The following MED12L variants were observed in gnomAD, a reference collection of about 807,000 sequenced individuals.
The protein encoded by MED12L is mediator complex subunit 12L.
MED12L carries 60 observed loss-of-function variants against 281.3 expected under a neutral mutation model. The ratio of observed to expected loss-of-function variants is 0.21; its 90% CI spans 0.17 to 0.26. The LOEUF (loss-of-function observed/expected upper bound fraction) is 0.26. Ranked by LOEUF, MED12L falls within the 10% of genes least tolerant of loss-of-function variation. MED12L has a pLI of 1.00. For missense variants in MED12L, 2,146 were observed against 2,680.9 expected (o/e 0.80, Z 4.41); for synonymous variants, 974 against 987.2 (o/e 0.99, Z 0.25).
At chr3:151,099,998 AC>A (rs751083600) in intron 2 of MED12L, among the ~76,000 whole-genome samples, 16 of 152,136 alleles carry the variant, frequency 1.1e-4, no homozygotes, top group Non-Finnish European at 2.1e-4. Context: ...ATACTAAGTG[AC>A]CCAAAGAGAC....
At chr3:151,086,623 A>C (rs1369685108) in intron 1 of MED12L, 175 bp from the exon 2 acceptor site, 12 of 258,160 alleles carry the variant, frequency 4.6e-5, no homozygotes, top group Non-Finnish European at 7.4e-5. Context: ...GGAGCAGAGG[A>C]GGCAGGCGCC....
chr3:151,231,178 C>G (rs1380083986), intron 16 of MED12L, among the ~76,000 whole-genome samples: 1 of 152,158 alleles, frequency 6.6e-6, no homozygotes, highest in Admixed American at 6.5e-5. Context: ...AATGAGAAAG[C>G]TCTTGTTTAC....
chr3:151,165,361 A>G, intron 9 of MED12L, 59 bp from the exon 10 acceptor site: 2 of 1,382,406 alleles, frequency 1.4e-6, no homozygotes, highest in East Asian at 4.6e-5. Context: ...ACCTGACATG[A>G]TTTAGACATG....
intron 16 of MED12L, among the ~76,000 whole-genome samples, chr3:151,261,685 G>GTGTTTTGTTTTGTTTTGTTTTGTTT (rs10627724): frequency 1.8e-4 from 27 of 148,640 alleles, no homozygotes; most frequent in African/African-American, 6.3e-4. Flanking sequence ...GTGGTACGTG[G>GTGTTTTGTTTTGTTTTGTTTTGTTT]TGTTTTGTTT....
chr3:151,266,686 C>T (rs1426168626), intron 16 of MED12L, among the ~76,000 whole-genome samples: 1 of 152,134 alleles, frequency 6.6e-6, no homozygotes, highest in African/African-American at 2.4e-5. Context: ...TGGAAAGGAA[C>T]TCCAGCCATG....
chr3:151,337,723 A>G, intron 16 of MED12L: 7 of 1,220,386 alleles, frequency 5.7e-6, no homozygotes, highest in Non-Finnish European at 8.3e-6. Context: ...TTATTAACTT[A>G]GTTGCTTCTT....
intron 16 of MED12L, among the ~76,000 whole-genome samples, chr3:151,249,577 A>G (rs1736439054): frequency 6.6e-6 from 1 of 152,122 alleles, no homozygotes; most frequent in Admixed American, 6.5e-5. Flanking sequence ...TTGCTCCTCT[A>G]GACTTATCCT....
chr3:151,421,468 T>C (rs1560148031), intron 43 of MED12L, among the ~76,000 whole-genome samples: 2 of 152,034 alleles, frequency 1.3e-5, no homozygotes, highest in Non-Finnish European at 2.9e-5. Flanking sequence ...TGGAGTGCAG[T>C]GGCGCAATCT....
At chr3:151,292,354 T>A (rs1312744976) in intron 16 of MED12L, among the ~76,000 whole-genome samples, 1 of 151,498 alleles carries the variant, frequency 6.6e-6, no homozygotes, top group Admixed American at 6.6e-5. Flanking sequence ...TGGCATGATC[T>A]TGGCTCACTG....
At chr3:151,218,605 A>T (rs549326903) in intron 16 of MED12L, among the ~76,000 whole-genome samples, 46 of 152,252 alleles carry the variant, frequency 3.0e-4, no homozygotes, top group African/African-American at 1.0e-3. Context: ...ACGGTGGCTC[A>T]AGCCTGTAAT....
At chr3:151,101,284 A>G (rs1292791782) in intron 2 of MED12L, among the ~76,000 whole-genome samples, 4 of 152,172 alleles carry the variant, frequency 2.6e-5, no homozygotes, top group South Asian at 4.1e-4. Flanking sequence ...AATAGCCACT[A>G]TTTATTGTGT....
chr3:151,153,675 T>C (rs1718887133), intron 5 of MED12L, among the ~76,000 whole-genome samples: 1 of 151,106 alleles, frequency 6.6e-6, no homozygotes, highest in Admixed American at 6.6e-5. Context: ...TTCAAGTGAT[T>C]CTCCTGCCTC....
chr3:151,146,355 A>G (rs1451090155), intron 5 of MED12L, among the ~76,000 whole-genome samples: 2 of 152,056 alleles, frequency 1.3e-5, no homozygotes, highest in Non-Finnish European at 2.9e-5. Context: ...CTTCCCCAAT[A>G]TGTGGATGAA....
At chr3:151,377,388 A>T (rs1399067838) in intron 30 of MED12L, among the ~76,000 whole-genome samples, 1 of 152,178 alleles carries the variant, frequency 6.6e-6, no homozygotes, top group Non-Finnish European at 1.5e-5. Flanking sequence ...ACACCTTGAA[A>T]CTGCAGGTGA....
chr3:151,108,834 T>C (rs910655024), intron 2 of MED12L, among the ~76,000 whole-genome samples: 2 of 152,180 alleles, frequency 1.3e-5, no homozygotes, highest in African/African-American at 4.8e-5. Flanking sequence ...GAGATGGCCA[T>C]TGAAAATTGT....
At chr3:151,382,262 G>A (rs1469950097) in intron 32 of MED12L, among the ~76,000 whole-genome samples, 1 of 152,008 alleles carries the variant, frequency 6.6e-6, no homozygotes, top group Non-Finnish European at 1.5e-5. Context: ...CATTTGCTAG[G>A]GTTCAGCAAG....
intron 43 of MED12L, among the ~76,000 whole-genome samples, chr3:151,428,352 T>C (rs2108468130): frequency 6.6e-6 from 1 of 152,338 alleles, no homozygotes; most frequent in Non-Finnish European, 1.5e-5. Context: ...GAAAGATTGA[T>C]TTTTATTTTT....
intron 30 of MED12L, among the ~76,000 whole-genome samples, chr3:151,377,745 GA>G (rs775669748): frequency 2.0e-5 from 3 of 152,154 alleles, no homozygotes; most frequent in South Asian, 2.1e-4. Flanking sequence ...TAATTAGAGA[GA>G]GGGGGTCATC....
chr3:151,264,275 C>G (rs773839731), intron 16 of MED12L, among the ~76,000 whole-genome samples: 3 of 152,178 alleles, frequency 2.0e-5, no homozygotes, highest in Non-Finnish European at 2.9e-5. Flanking sequence ...TTTGTAAGCA[C>G]TTGTTTGCTG....
Sources: gnomAD v4.1 joint callset for allele counts (sites outside exome capture counted in the v4.1 genomes callset) on GRCh38, gnomAD v4.1.1 for gene constraint, MANE v1.5 for transcripts, NCBI Gene and HGNC (gene_info 2026-07-23, HGNC 2026-07-21) for gene names.